The following TMEM108 variants were observed in gnomAD, a reference collection of about 807,000 sequenced individuals.
TMEM108 encodes cancer/testis antigen 124.
A neutral mutation model predicts 35.1 loss-of-function variants in TMEM108; 12 were observed. That is an observed-to-expected ratio of 0.34 (90% confidence interval 0.22 to 0.55). The LOEUF (loss-of-function observed/expected upper bound fraction) is 0.55. Among genes scored for constraint, TMEM108 ranks in the 20% least tolerant of loss-of-function variants. The probability of loss-of-function intolerance (pLI) is 0.89; values close to 1 mark genes in which losing one functional copy is unlikely to be tolerated. For missense variants in TMEM108, 680 were observed against 753.3 expected (o/e 0.90, Z 1.14); for synonymous variants, 287 against 308.6 (o/e 0.93, Z 0.73).
intron 3 of TMEM108, among the ~76,000 whole-genome samples, chr3:133,332,420 C>T (rs1053992040): frequency 1.1e-4 from 17 of 152,188 alleles, no homozygotes; most frequent in African/African-American, 3.9e-4. Context: ...CTTAAAGTCT[C>T]GCTCTGAAAG....
chr3:133,292,992 G>C (rs1264999147), intron 3 of TMEM108, among the ~76,000 whole-genome samples: 1 of 152,138 alleles, frequency 6.6e-6, no homozygotes, highest in East Asian at 1.9e-4. Flanking sequence ...GATGTCTTAG[G>C]TGAATGGAGC....
chr3:133,325,658 G>A (rs2071321966), intron 3 of TMEM108, among the ~76,000 whole-genome samples: 1 of 151,262 alleles, frequency 6.6e-6, no homozygotes, highest in South Asian at 2.1e-4. Flanking sequence ...GGAGTTCAAG[G>A]TTGCAGTGAA....
chr3:133,235,627 A>G (rs923192208), intron 3 of TMEM108, among the ~76,000 whole-genome samples: 6 of 152,184 alleles, frequency 3.9e-5, no homozygotes, highest in African/African-American at 1.4e-4. Flanking sequence ...GACATGCCAT[A>G]TAGAAGTCCT....
intron 3 of TMEM108, among the ~76,000 whole-genome samples, chr3:133,373,362 A>AAAG (rs1436089297): frequency 2.0e-5 from 3 of 150,398 alleles, no homozygotes; most frequent in Non-Finnish European, 1.5e-5. Context: ...AAAAAAAAAA[A>AAAG]AAAGAAATTT....
chr3:133,315,379 CCTTAAATGA>C (rs1327412247), intron 3 of TMEM108, among the ~76,000 whole-genome samples: 1 of 152,124 alleles, frequency 6.6e-6, no homozygotes, highest in Non-Finnish European at 1.5e-5. Flanking sequence ...CATTTTGTTA[CCTTAAATGA>C]CTTTGAAACA....
intron 2 of TMEM108, among the ~76,000 whole-genome samples, chr3:133,137,699 A>G (rs766332357): frequency 2.6e-5 from 4 of 152,170 alleles, no homozygotes; most frequent in Non-Finnish European, 4.4e-5. Context: ...GTACAAATAC[A>G]AGGATTTGGT....
At chr3:133,273,399 A>G (rs1159114404) in intron 3 of TMEM108, among the ~76,000 whole-genome samples, 1 of 152,174 alleles carries the variant, frequency 6.6e-6, no homozygotes, top group Non-Finnish European at 1.5e-5. Flanking sequence ...ATTTTTATCC[A>G]TCACTTAAGA....
chr3:133,051,337 G>A (rs1943401968), intron 2 of TMEM108, among the ~76,000 whole-genome samples: 1 of 151,944 alleles, frequency 6.6e-6, no homozygotes, highest in South Asian at 2.1e-4. Flanking sequence ...TATCTGTTAA[G>A]GTCTTTGGAC....
Position 133,266,695 on chromosome 3 carries a change from C to T in TMEM108, c.40+37344C>T, listed in dbSNP as rs576968172. On this transcript the variant is annotated intron_variant, in intron 3 of 5. Transcript: ENST00000321871. ...AGTCAGTGAGTGGTGTGAGCAAGAA[C>T]CGGAAATTAAACAGTCAATGGATTG... 2.0e-5 allele frequency among the ~76,000 whole-genome samples: 3 copies of T among 152,158 alleles called. No homozygotes were observed. The South Asian group carries it at 6.2e-4, about 32-fold the overall frequency.
chr3:133,110,716 C>T (rs1042404787), intron 2 of TMEM108, among the ~76,000 whole-genome samples: 1 of 152,156 alleles, frequency 6.6e-6, no homozygotes, highest in African/African-American at 2.4e-5. Flanking sequence ...GATACAAACT[C>T]CTGAACCCAC....
At chr3:133,164,919 A>G (rs1945015672) in intron 2 of TMEM108, among the ~76,000 whole-genome samples, 1 of 152,234 alleles carries the variant, frequency 6.6e-6, no homozygotes, top group Non-Finnish European at 1.5e-5. Flanking sequence ...AAAAAAGTGC[A>G]TAGCTACACA....
At chr3:133,221,126 A>T (rs1014607374) in intron 2 of TMEM108, among the ~76,000 whole-genome samples, 2 of 152,158 alleles carry the variant, frequency 1.3e-5, no homozygotes, top group African/African-American at 4.8e-5. Flanking sequence ...TTGGAGTTTT[A>T]TGAAGGCTTC....
intron 2 of TMEM108, among the ~76,000 whole-genome samples, chr3:133,219,968 AT>A (rs1383544250): frequency 6.6e-6 from 1 of 151,888 alleles, no homozygotes; most frequent in Admixed American, 6.6e-5. Context: ...ATCTATTAAT[AT>A]TTTTTATGTA....
intron 3 of TMEM108, among the ~76,000 whole-genome samples, chr3:133,343,009 TATC>T (rs927044312): frequency 6.6e-6 from 1 of 151,820 alleles, no homozygotes; most frequent in Admixed American, 6.6e-5. Flanking sequence ...TGTATTGAAA[TATC>T]ATTCTATAGC....
chr3:133,051,429 T>C (rs901531094), intron 2 of TMEM108, among the ~76,000 whole-genome samples: 10 of 152,150 alleles, frequency 6.6e-5, no homozygotes, highest in Non-Finnish European at 1.3e-4. Context: ...GTCAAATATG[T>C]CTTTTGAAAA....
intron 3 of TMEM108, among the ~76,000 whole-genome samples, chr3:133,259,422 G>A (rs1203887361): frequency 1.3e-5 from 2 of 152,190 alleles, no homozygotes. Context: ...GCTCAGATGT[G>A]GAGTACCTAC....
At chr3:133,336,305 A>C (rs186845388) in intron 3 of TMEM108, among the ~76,000 whole-genome samples, 5 of 152,138 alleles carry the variant, frequency 3.3e-5, no homozygotes, top group African/African-American at 1.2e-4. Flanking sequence ...CCAGTTGCAC[A>C]GCTCATGGCT....
chr3:133,118,336 T>C (rs1216948758), intron 2 of TMEM108, among the ~76,000 whole-genome samples: 1 of 152,164 alleles, frequency 6.6e-6, no homozygotes, highest in Non-Finnish European at 1.5e-5. Context: ...TTAATAGTCT[T>C]ATCAGATTTT....
intron 2 of TMEM108, among the ~76,000 whole-genome samples, chr3:133,067,970 C>G (rs940844586): frequency 6.6e-6 from 1 of 151,846 alleles, no homozygotes; most frequent in Non-Finnish European, 1.5e-5. Flanking sequence ...GTCATCCCAC[C>G]GTGGAAGGCA....
Sources: allele counts gnomAD v4.1 joint callset (sites outside exome capture counted in the v4.1 genomes callset), GRCh38; gene constraint gnomAD v4.1.1; transcripts MANE v1.5; gene names NCBI Gene and HGNC (gene_info 2026-07-23, HGNC 2026-07-21).